LRRC37A3: variants seen among roughly 807,000 people sequenced by gnomAD.
LRRC37A3 encodes the protein leucine-rich repeat-containing protein 37A3.
Under a neutral mutation model 106.2 loss-of-function variants are expected in LRRC37A3, and 25 were observed. That is an observed-to-expected ratio of 0.24 (90% CI 0.17 to 0.33). LRRC37A3 has a LOEUF of 0.33. LRRC37A3 is among the 10% of genes least tolerant of loss of function. The probability of loss-of-function intolerance (pLI) is 1.00; values close to 1 mark genes in which losing one functional copy is unlikely to be tolerated. For synonymous variants in LRRC37A3, 305 were observed against 635.8 expected (o/e 0.48, Z 7.83); for missense variants, 712 against 1,644.9 (o/e 0.43, Z 9.81).
chr17:64,883,242 G>A (rs1973762659), intron 8 of LRRC37A3, among the ~76,000 whole-genome samples: 1 of 152,160 alleles, frequency 6.6e-6, no homozygotes, highest in African/African-American at 2.4e-5. Flanking sequence ...GCTTGGGCCA[G>A]CAGAATCCAG....
At chr17:64,876,047 A>G (rs1973503292) in intron 8 of LRRC37A3, among the ~76,000 whole-genome samples, 1 of 152,178 alleles carries the variant, frequency 6.6e-6, no homozygotes, top group African/African-American at 2.4e-5. Flanking sequence ...ACTAAAAAAA[A>G]TTTTTAGAGA....
intron 13 of LRRC37A3, among the ~76,000 whole-genome samples, chr17:64,857,813 C>T (rs931637517): frequency 6.6e-5 from 10 of 151,984 alleles, no homozygotes; most frequent in South Asian, 2.1e-4. Flanking sequence ...AGCAGAAATG[C>T]GGGTGGTGTG....
intron 8 of LRRC37A3, chr17:64,881,167 G>A: frequency 1.4e-6 from 1 of 700,900 alleles, no homozygotes; most frequent in Non-Finnish European, 2.6e-6. Flanking sequence ...CAAGACCTCG[G>A]ACTGCATCAC....
chr17:64,868,413 C>A, intron 10 of LRRC37A3, 49 bp downstream of exon 10: 1 of 1,600,132 alleles, frequency 6.2e-7, no homozygotes, highest in East Asian at 2.2e-5. Context: ...ATAAAACAAA[C>A]CTAAAGAAAC....
intron 8 of LRRC37A3, among the ~76,000 whole-genome samples, chr17:64,879,822 T>A (rs1158205649): frequency 6.6e-6 from 1 of 151,960 alleles, no homozygotes; most frequent in African/African-American, 2.4e-5. Flanking sequence ...CTCAGCACTT[T>A]GGGAGGCCAA....
At chr17:64,900,786 AAT>A (rs1370616713) in intron 2 of LRRC37A3, 11 of 115,276 alleles carry the variant, frequency 9.5e-5, no homozygotes, top group African/African-American at 4.2e-4. Context: ...AGCAACCCAC[AAT>A]GAGACATTCT....
At chr17:64,883,562 C>G (rs1973772706) in intron 8 of LRRC37A3, among the ~76,000 whole-genome samples, 1 of 151,878 alleles carries the variant, frequency 6.6e-6, no homozygotes, top group Non-Finnish European at 1.5e-5. Flanking sequence ...CATCATCGAT[C>G]AACCACAGCT....
chr17:64,882,428 T>G (rs1456154880), intron 8 of LRRC37A3, among the ~76,000 whole-genome samples: 1 of 152,180 alleles, frequency 6.6e-6, no homozygotes, highest in Non-Finnish European at 1.5e-5. Context: ...TAAGAGTTGT[T>G]AGGTGTGACA....
At chr17:64,875,353 G>A (rs1973476246) in intron 8 of LRRC37A3, among the ~76,000 whole-genome samples, 1 of 152,210 alleles carries the variant, frequency 6.6e-6, no homozygotes, top group Non-Finnish European at 1.5e-5. Context: ...TGAAGAAACT[G>A]TCAACCAATA....
intron 11 of LRRC37A3, among the ~76,000 whole-genome samples, chr17:64,862,490 C>T (rs368864387): frequency 0.045 from 6,887 of 151,730 alleles, 522 homozygotes; most frequent in African/African-American, 0.16. Flanking sequence ...AGACCAAAAC[C>T]GTATCTACAT....
chr17:64,904,354 A>G (rs1253875256), intron 2 of LRRC37A3, among the ~76,000 whole-genome samples: 2 of 152,262 alleles, frequency 1.3e-5, no homozygotes, highest in African/African-American at 4.8e-5. Context: ...GCACGCCTGT[A>G]GTCCTGGCTA....
rs770526926 is a variant in LRRC37A3, at chr17:64,854,660, C to T, written c.4860-16G>A. 5.6e-6 allele frequency: 9 copies of T among 1,613,184 alleles called. No individual in the cohort carries two copies. In the South Asian group the frequency reaches 7.7e-5, roughly 14 times the overall value. ...TTCGCTGTCCCTGGGATAAGAATAA[C>T]AATGCCAAGGTTTTGATTCTTGAAA... is the stretch of plus-strand genomic sequence containing the variant. On this transcript the variant is annotated splice_polypyrimidine_tract_variant and intron_variant, in intron 14 of 14. Transcript: ENST00000584306.
In LRRC37A3 at chr17:64,860,252, G is replaced by A. The variant is rs780484943; in HGVS notation, c.3894C>T (p.Ile1298=). ...RVTNMKTSKP[I]VHSRKKYRFH... is the part of the protein sequence containing the mutation. ...AGCGGTATTTTTTTCTGGAATGTAC[G>A]ATGGGTTTAGATGTCTTCATATTTG... The change falls in exon 12 of 15, where the codon ATC becomes ATT. Residue 1298 remains isoleucine (I), a synonymous_variant. Coordinates refer to ENST00000584306, the MANE Select transcript of LRRC37A3 (RefSeq NM_199340.5). 2 of 1,613,948 alleles carry A rather than the reference G, an allele frequency of 1.2e-6. No individual in the cohort carries two copies. Among genetic ancestry groups the A allele is most frequent in the African/African-American group, 1.3e-5 (1 of 75,022 alleles).
chr17:64,868,611 T>C (rs1367457396), intron 9 of LRRC37A3, 75 bp from the exon 10 acceptor site: 2 of 1,530,588 alleles, frequency 1.3e-6, no homozygotes, highest in African/African-American at 2.8e-5. Context: ...CAATTTTGGC[T>C]TCTCTATTAA....
intron 2 of LRRC37A3, among the ~76,000 whole-genome samples, chr17:64,917,208 T>C (rs1302010052): frequency 3.9e-5 from 5 of 128,424 alleles, no homozygotes; most frequent in African/African-American, 1.6e-4. Flanking sequence ...ATCGCGCCAC[T>C]GCACTCCAGC....
At position 64,860,731 on chromosome 17, in the gene LRRC37A3, G is replaced by A. The variant is rs1343869678; in HGVS notation, c.3415C>T (p.Leu1139=). Residue 1139 remains leucine, a synonymous_variant, in exon 12 of 15, where the codon CTA becomes TTA. Coordinates refer to ENST00000584306, the MANE Select transcript of LRRC37A3 (RefSeq NM_199340.5). ...GTGGTTGGCAGTTTAATGAACGGTA[G>A]TAACAGTGATTTCACATCTAGGTTA... ...AVNLDVKSLL[L]PFIKLPTTGN... 6 of 1,613,922 alleles carry A rather than the reference G, an allele frequency of 3.7e-6. No homozygotes were observed. Among genetic ancestry groups the A allele is most frequent in the Non-Finnish European group, 5.1e-6 (6 of 1,179,934 alleles).
At chr17:64,875,748 C>T (rs1367805074) in intron 8 of LRRC37A3, among the ~76,000 whole-genome samples, 2 of 151,618 alleles carry the variant, frequency 1.3e-5, no homozygotes, top group African/African-American at 4.9e-5. Context: ...AAGATTGTGC[C>T]ACTGCACTCT....
chr17:64,864,815 T>C (rs965928162), intron 10 of LRRC37A3, among the ~76,000 whole-genome samples: 14 of 151,958 alleles, frequency 9.2e-5, no homozygotes, highest in Non-Finnish European at 1.8e-4. Flanking sequence ...GAGTTAACTA[T>C]AATTATTGTG....
chr17:64,857,775 AT>A (rs1972729282), intron 13 of LRRC37A3, among the ~76,000 whole-genome samples: 1 of 152,198 alleles, frequency 6.6e-6, no homozygotes, highest in African/African-American at 2.4e-5. Flanking sequence ...AAATAAGGGC[AT>A]TTTAGATGGA....
Sources: allele counts gnomAD v4.1 joint callset (sites outside exome capture counted in the v4.1 genomes callset), GRCh38; gene constraint gnomAD v4.1.1; transcripts MANE v1.5; gene names NCBI Gene and HGNC (gene_info 2026-07-23, HGNC 2026-07-21).